WDPCP: variants seen among roughly 807,000 people sequenced by gnomAD.
WDPCP encodes WD repeat-containing and planar cell polarity effector protein fritz homolog.
WDPCP carries 71 observed loss-of-function variants against 93.1 expected under a neutral mutation model. The ratio of observed to expected loss-of-function variants is 0.76; its 90% CI spans 0.63 to 0.93. The LOEUF (loss-of-function observed/expected upper bound fraction) is 0.93, where lower values mean the gene tolerates loss of function less well. Ranked by LOEUF, WDPCP falls within the 40% of genes least tolerant of loss-of-function variation. The probability of loss-of-function intolerance (pLI) is 0.00; values close to 1 mark genes in which losing one functional copy is unlikely to be tolerated. For missense variants in WDPCP, 844 were observed against 887.4 expected, an observed-to-expected ratio of 0.95 and a Z score of 0.62; for synonymous variants, 315 against 315.0, an observed-to-expected ratio of 1.00 and a Z score of 0.00.
chr2:63,537,794 A>C (rs1704409409), intron 1 of WDPCP, among the ~76,000 whole-genome samples: 1 of 152,172 alleles, frequency 6.6e-6, no homozygotes, highest in Non-Finnish European at 1.5e-5. Flanking sequence ...TTACACACTT[A>C]AGATTTTAAC....
chr2:63,156,631 G>A (rs952714704), intron 15 of WDPCP, among the ~76,000 whole-genome samples: 16 of 152,114 alleles, frequency 1.1e-4, no homozygotes, highest in Non-Finnish European at 1.8e-4. Context: ...CCAGCTACTA[G>A]GGAGGCTGAG....
rs1283582787 is a variant in WDPCP, at chr2:63,209,431, C to T, written c.1916-34599G>A. On this transcript the variant is annotated intron_variant, in intron 14 of 17. Transcript: ENST00000272321. ...TTGCTACTGCCACTTACCTGAGCCTCATTGAATTTTTTCATGTTGGCATTC... is the reference window on the plus strand; with the variant it reads ...TTGCTACTGCCACTTACCTGAGCCTTATTGAATTTTTTCATGTTGGCATTC... 2.6e-5 allele frequency among the ~76,000 whole-genome samples: 4 copies of T among 152,298 alleles called. No homozygotes were observed. In the East Asian group the frequency reaches 5.8e-4, roughly 22 times the overall value.
chr2:63,460,961 A>G (rs1336103572), intron 6 of WDPCP, among the ~76,000 whole-genome samples: 2 of 152,128 alleles, frequency 1.3e-5, no homozygotes, highest in East Asian at 3.9e-4. Flanking sequence ...AAGGAAATAC[A>G]TGATGTTCTA....
intron 1 of WDPCP, among the ~76,000 whole-genome samples, chr2:63,820,449 A>G (rs1671000440): frequency 6.6e-6 from 1 of 152,150 alleles, no homozygotes. Context: ...GATAACACAA[A>G]TGCTAGCAGC....
At chr2:63,619,061 G>A (rs924005093) in intron 3 of WDPCP, among the ~76,000 whole-genome samples, 2 of 152,170 alleles carry the variant, frequency 1.3e-5, no homozygotes, top group African/African-American at 4.8e-5. Context: ...ATCCTGATCC[G>A]TGTTAAAATG....
chr2:63,663,633 AAAAGTTGGTGACTG>A (rs1710253274), intron 2 of WDPCP, among the ~76,000 whole-genome samples: 1 of 152,178 alleles, frequency 6.6e-6, no homozygotes, highest in Non-Finnish European at 1.5e-5. Context: ...TGTGATTTAT[AAAAGTTGGTGACTG>A]AATACAGTTT....
intron 2 of WDPCP, among the ~76,000 whole-genome samples, chr2:63,773,727 T>C (rs1670263310): frequency 6.6e-6 from 1 of 152,112 alleles, no homozygotes; most frequent in African/African-American, 2.4e-5. Flanking sequence ...CAAAATATTT[T>C]TGAGATAAAT....
chr2:63,597,366 A>C, intron 3 of WDPCP: 1 of 1,333,560 alleles, frequency 7.5e-7, no homozygotes, highest in Non-Finnish European at 9.7e-7. Flanking sequence ...TTGATGTTTA[A>C]GTAGCTCTGC....
At chr2:63,772,152 T>C (rs1206290461) in intron 2 of WDPCP, among the ~76,000 whole-genome samples, 1 of 152,066 alleles carries the variant, frequency 6.6e-6, no homozygotes. Context: ...CTAATTTACA[T>C]TCTCACCAAC....
intron 14 of WDPCP, among the ~76,000 whole-genome samples, chr2:63,219,468 C>G (rs1394197013): frequency 6.6e-6 from 1 of 152,078 alleles, no homozygotes; most frequent in African/African-American, 2.4e-5. Flanking sequence ...TTTGAAAACC[C>G]CAGATTAAAG....
chr2:63,358,116 A>G (rs1442680305), intron 12 of WDPCP, among the ~76,000 whole-genome samples: 1 of 152,166 alleles, frequency 6.6e-6, no homozygotes, highest in Non-Finnish European at 1.5e-5. Context: ...GAGGAGTAGA[A>G]AAGCTAATTA....
At chr2:63,321,687 G>T (rs1687106592) in intron 12 of WDPCP, among the ~76,000 whole-genome samples, 2 of 152,064 alleles carry the variant, frequency 1.3e-5, no homozygotes, top group Non-Finnish European at 2.9e-5. Context: ...TTAATAATCT[G>T]TGGCATAATT....
At chr2:63,334,864 C>G (rs760167878) in intron 12 of WDPCP, among the ~76,000 whole-genome samples, 3 of 152,104 alleles carry the variant, frequency 2.0e-5, no homozygotes, top group Non-Finnish European at 4.4e-5. Flanking sequence ...ACCTCCTTCA[C>G]AATTTGCCCA....
At chr2:63,840,783 G>C in the WDPCP span, among the ~76,000 whole-genome samples, 1 of 152,148 alleles carries the variant, frequency 6.6e-6, no homozygotes, top group African/African-American at 2.4e-5. Flanking sequence ...CCGCAACGCC[G>C]CCGTAAGTGC....
chr2:63,833,124 G>T, the WDPCP span, among the ~76,000 whole-genome samples: 1 of 152,114 alleles, frequency 6.6e-6, no homozygotes, highest in Admixed American at 6.6e-5. Context: ...GTGGTGGCAG[G>T]CGCCTGTAAT....
intron 3 of WDPCP, chr2:63,597,830 A>G (rs895438285): frequency 1.6e-5 from 4 of 244,344 alleles, no homozygotes; most frequent in Admixed American, 5.5e-5. Flanking sequence ...GTTCTTAAAC[A>G]TATAGAGAAG....
chr2:63,833,570 G>C, the WDPCP span, among the ~76,000 whole-genome samples: 8 of 152,140 alleles, frequency 5.3e-5, no homozygotes, highest in Non-Finnish European at 1.2e-4. Flanking sequence ...CTTTTGAAGA[G>C]ACTTCAGTGT....
At chr2:63,693,555 G>A (rs1263687034) in intron 2 of WDPCP, among the ~76,000 whole-genome samples, 5 of 151,972 alleles carry the variant, frequency 3.3e-5, no homozygotes, top group Admixed American at 3.3e-4. Context: ...GAGGGGACAA[G>A]GAGGAAGTAG....
At position 63,471,936 on chromosome 2, in the gene WDPCP, AT is replaced by A. The variant is rs538725157; in HGVS notation, c.384+12667del. On this transcript the variant is annotated intron_variant, in intron 6 of 17. Transcript: ENST00000272321. ...TGTCTGGCTTGAATGACAATTTAGA[AT>A]TTTTTTTTTAATTATTATTATACTT... Among the ~76,000 whole-genome samples, 274 of 150,742 alleles carry A rather than the reference AT, an allele frequency of 1.8e-3. 1 individual carries two copies. Among genetic ancestry groups the A allele is most frequent in the Middle Eastern group, 0.017 (5 of 292 alleles).
Sources: gnomAD v4.1 joint callset for allele counts (sites outside exome capture counted in the v4.1 genomes callset) on GRCh38, gnomAD v4.1.1 for gene constraint, MANE v1.5 for transcripts, NCBI Gene and HGNC (gene_info 2026-07-23, HGNC 2026-07-21) for gene names.